FTO: variants seen among roughly 807,000 people sequenced by gnomAD.
The protein encoded by FTO is alpha-ketoglutarate-dependent dioxygenase FTO.
In FTO, 47 loss-of-function variants were observed where a neutral mutation model predicts 63.9. The ratio of observed to expected loss-of-function variants is 0.74; its 90% CI spans 0.58 to 0.94. The LOEUF (loss-of-function observed/expected upper bound fraction) is 0.94, where lower values mean the gene tolerates loss of function less well. Among genes scored for constraint, FTO ranks in the 40% least tolerant of loss-of-function variants. FTO has a pLI of 0.00. For synonymous variants in FTO, 207 were observed against 224.4 expected (o/e 0.92, Z 0.69); for missense variants, 562 against 618.1 (o/e 0.91, Z 0.96).
chr16:54,013,574 T>C (rs2084374316), intron 8 of FTO: 1 of 151,888 alleles, frequency 6.6e-6, no homozygotes. Context: ...AAAGGAAGAG[T>C]CAACTGTTGC....
At chr16:53,773,540 G>A (rs1440671924) in intron 1 of FTO, among the ~76,000 whole-genome samples, 1 of 152,122 alleles carries the variant, frequency 6.6e-6, no homozygotes, top group Non-Finnish European at 1.5e-5. Flanking sequence ...CTTATTTGGT[G>A]TAATAATTAG....
chr16:53,741,331 A>C (rs922213050), intron 1 of FTO, among the ~76,000 whole-genome samples: 27 of 152,182 alleles, frequency 1.8e-4, no homozygotes, highest in African/African-American at 6.5e-4. Flanking sequence ...TTTTGAAACA[A>C]TGAGGTTATT....
At chr16:53,772,038 C>T (rs759223695) in intron 1 of FTO, among the ~76,000 whole-genome samples, 6 of 151,966 alleles carry the variant, frequency 3.9e-5, no homozygotes, top group South Asian at 2.1e-4. Flanking sequence ...GTAGTGGTGA[C>T]GATTGCATAA....
intron 1 of FTO, among the ~76,000 whole-genome samples, chr16:53,800,500 A>C (rs2078191627): frequency 6.6e-6 from 1 of 152,162 alleles, no homozygotes; most frequent in Admixed American, 6.5e-5. Flanking sequence ...AGTTAGTTCA[A>C]GCTGGTTGAT....
intron 1 of FTO, among the ~76,000 whole-genome samples, chr16:53,724,606 A>T (rs1005939793): frequency 7.9e-5 from 12 of 152,230 alleles, no homozygotes; most frequent in Admixed American, 5.2e-4. Context: ...GGAAACTGTC[A>T]TGCTTGGCTT....
At chr16:53,708,029 T>C (rs1425503571) in intron 1 of FTO, among the ~76,000 whole-genome samples, 1 of 152,250 alleles carries the variant, frequency 6.6e-6, no homozygotes, top group African/African-American at 2.4e-5. Context: ...TAGCATATAT[T>C]GGTACTTTGT....
chr16:53,733,317 A>G (rs1360784350), intron 1 of FTO, among the ~76,000 whole-genome samples: 1 of 152,124 alleles, frequency 6.6e-6, no homozygotes, highest in African/African-American at 2.4e-5. Context: ...CATGAGAATC[A>G]CTTGAACCTG....
intron 8 of FTO, among the ~76,000 whole-genome samples, chr16:53,987,582 CAAA>C (rs770347637): frequency 8.1e-6 from 1 of 123,046 alleles, no homozygotes; most frequent in Non-Finnish European, 1.7e-5. Flanking sequence ...GACTCTGTCT[CAAA>C]AAAAAAAAAA....
rs1425002039 is a variant in FTO, at chr16:54,117,806, TACA to T, written c.*5896_*5898del. 5 of 152,256 alleles carry T rather than the reference TACA, an allele frequency of 3.3e-5. No homozygotes were observed. The highest frequency in any genetic ancestry group is 2.0e-4 in the Admixed American group (3 of 15,284). The allele number at this position is 152,256 out of a possible 1,614,324, so 9.4% of individuals were successfully genotyped here. A position where few individuals can be genotyped will look rare whatever the true frequency, so the allele number is the denominator to read the frequency against. On this transcript the variant is annotated 3_prime_UTR_variant, in exon 9 of 9. Coordinates refer to ENST00000471389, the MANE Select transcript of FTO (RefSeq NM_001080432.3). ...ATCACCTTCTAATGGATGATCTGTG[TACA>T]ACAATTGTTTATTGACTCTGAATGT...
intron 7 of FTO, among the ~76,000 whole-genome samples, chr16:53,914,042 G>T (rs1007473862): frequency 2.0e-5 from 3 of 150,922 alleles, no homozygotes; most frequent in East Asian, 1.9e-4. Flanking sequence ...CGGCCTTCTC[G>T]CATTGTCCTG....
At chr16:53,881,297 T>A (rs2080827108) in intron 6 of FTO, among the ~76,000 whole-genome samples, 1 of 152,172 alleles carries the variant, frequency 6.6e-6, no homozygotes. Flanking sequence ...AACCATGAGC[T>A]ATGGGAACCT....
intron 1 of FTO, among the ~76,000 whole-genome samples, chr16:53,798,469 G>T (rs1271440287): frequency 6.6e-6 from 1 of 151,942 alleles, no homozygotes; most frequent in Non-Finnish European, 1.5e-5. Context: ...AATTTTCTTT[G>T]TATAAGTGTG....
chr16:54,048,808 G>A (rs1310419251), intron 8 of FTO, among the ~76,000 whole-genome samples: 1 of 152,112 alleles, frequency 6.6e-6, no homozygotes, highest in Non-Finnish European at 1.5e-5. Context: ...TTGTTTGGCT[G>A]TAATAAATAT....
At chr16:54,066,407 A>C (rs1481718445) in intron 8 of FTO, among the ~76,000 whole-genome samples, 3 of 152,222 alleles carry the variant, frequency 2.0e-5, no homozygotes, top group Non-Finnish European at 4.4e-5. Context: ...CTAACTCCAC[A>C]ATTATGAAAA....
At chr16:54,048,126 T>TAAAA (rs71380060) in intron 8 of FTO, among the ~76,000 whole-genome samples, 1,797 of 56,152 alleles carry the variant, frequency 0.032, 74 homozygotes, top group African/African-American at 0.11. Flanking sequence ...AAAAAAAAAT[T>TAAAA]AAAAAAAAAA....
intron 7 of FTO, among the ~76,000 whole-genome samples, chr16:53,901,159 G>A (rs1011798174): frequency 6.6e-6 from 1 of 152,188 alleles, no homozygotes; most frequent in African/African-American, 2.4e-5. Context: ...CAGCAAACAA[G>A]CAACACCATA....
chr16:53,913,954 G>C (rs868194351), intron 7 of FTO, among the ~76,000 whole-genome samples: 1 of 151,502 alleles, frequency 6.6e-6, no homozygotes, highest in Non-Finnish European at 1.5e-5. Flanking sequence ...ACTCCGGCTT[G>C]GGCGGCAGAG....
intron 8 of FTO, among the ~76,000 whole-genome samples, chr16:54,049,285 C>T (rs1347182313): frequency 6.6e-6 from 1 of 152,184 alleles, no homozygotes; most frequent in African/African-American, 2.4e-5. Flanking sequence ...TAAATCTTCC[C>T]TTAAAAATTG....
chr16:53,707,299 C>G (rs938332567), intron 1 of FTO, among the ~76,000 whole-genome samples: 33 of 152,170 alleles, frequency 2.2e-4, no homozygotes, highest in Non-Finnish European at 3.7e-4. Flanking sequence ...CTTCCATCTT[C>G]ACATGGCCTT....
Sources: allele counts gnomAD v4.1 joint callset (sites outside exome capture counted in the v4.1 genomes callset), GRCh38; gene constraint gnomAD v4.1.1; transcripts MANE v1.5; gene names NCBI Gene and HGNC (gene_info 2026-07-23, HGNC 2026-07-21).